Variants in CLVS1 observed in about 807,000 individuals in gnomAD.
CLVS1 encodes the protein clavesin-1.
In CLVS1, 10 loss-of-function variants were observed where a neutral mutation model predicts 33.1. The observed-to-expected ratio is 0.30, with a 90% CI of 0.19 to 0.51. The LOEUF is 0.51. CLVS1 is among the 20% of genes least tolerant of loss of function. The probability of loss-of-function intolerance (pLI) is 0.97; values close to 1 mark genes in which losing one functional copy is unlikely to be tolerated. For missense variants in CLVS1, 343 were observed against 433.4 expected (o/e 0.79, Z 1.85); for synonymous variants, 163 against 166.1 (o/e 0.98, Z 0.14).
intron 5 of CLVS1, among the ~76,000 whole-genome samples, chr8:61,480,412 G>T (rs908222138): frequency 6.6e-6 from 1 of 152,222 alleles, no homozygotes; most frequent in Non-Finnish European, 1.5e-5. Context: ...TTGGTGTGCC[G>T]TTTGTTAAGC....
intron 2 of CLVS1, among the ~76,000 whole-genome samples, chr8:61,235,358 A>G (rs1338193379): frequency 6.6e-6 from 1 of 152,214 alleles, no homozygotes; most frequent in Non-Finnish European, 1.5e-5. Context: ...TGCTTTAAAA[A>G]AAGTGGTTTC....
the CLVS1 span, among the ~76,000 whole-genome samples, chr8:61,045,870 T>C: frequency 1.3e-5 from 2 of 152,336 alleles, no homozygotes; most frequent in Non-Finnish European, 2.9e-5. Flanking sequence ...AGAAATGTAC[T>C]ATAGATTCTG....
intron 2 of CLVS1, among the ~76,000 whole-genome samples, chr8:61,215,682 A>ATGTGTGTG (rs72193127): frequency 0.019 from 2,776 of 143,714 alleles, 40 homozygotes; most frequent in Middle Eastern, 0.036. Flanking sequence ...GAAATTGAAA[A>ATGTGTGTG]TGTGTGTGTG....
chr8:61,363,875 A>T (rs1452369861), intron 2 of CLVS1, among the ~76,000 whole-genome samples: 1 of 152,134 alleles, frequency 6.6e-6, no homozygotes, highest in Non-Finnish European at 1.5e-5. Context: ...TCTGTGACCT[A>T]CCTGACTTGG....
chr8:61,434,944 G>A lies in CLVS1; in HGVS notation c.631-19197G>A, dbSNP rs189537545. 6.8e-4 allele frequency among the ~76,000 whole-genome samples: 104 copies of A among 152,294 alleles called. 1 individual carries two copies. The highest frequency in any genetic ancestry group is 2.5e-3 in the African/African-American group (104 of 41,554). On this transcript the variant is annotated intron_variant, in intron 3 of 5. Coordinates refer to ENST00000325897, the MANE Select transcript of CLVS1 (RefSeq NM_173519.3). ...CAGGGCAATATCAAGATATGGCAAG[G>A]AAATATATTTTGGGTCTAAATATTT...
At chr8:61,045,513 A>G in the CLVS1 span, among the ~76,000 whole-genome samples, 1 of 152,240 alleles carries the variant, frequency 6.6e-6, no homozygotes, top group Admixed American at 6.5e-5. Context: ...GAATAGTGGA[A>G]AAGCCTCCTA....
chr8:61,303,436 T>C (rs1420613157), intron 2 of CLVS1, among the ~76,000 whole-genome samples: 1 of 152,226 alleles, frequency 6.6e-6, no homozygotes, highest in Non-Finnish European at 1.5e-5. Context: ...CTCATGAATG[T>C]GAAGCTTATT....
chr8:61,231,777 T>G (rs1808437590), intron 2 of CLVS1, among the ~76,000 whole-genome samples: 1 of 152,148 alleles, frequency 6.6e-6, no homozygotes, highest in Non-Finnish European at 1.5e-5. Flanking sequence ...ATAAATTATC[T>G]GGGTAACGCC....
the CLVS1 span, among the ~76,000 whole-genome samples, chr8:60,987,094 G>C: frequency 1.3e-5 from 2 of 152,210 alleles, no homozygotes; most frequent in Non-Finnish European, 2.9e-5. Flanking sequence ...GCAAATGACA[G>C]TCCAGAGGCA....
rs189131872 is a variant in CLVS1, at chr8:61,161,487, G to A, written c.-152+29627G>A. Among the ~76,000 whole-genome samples the A allele has an allele frequency of 3.7e-4, 57 of 152,232 alleles. 1 individual carries two copies. The highest frequency in any genetic ancestry group is 3.5e-3 in the South Asian group (17 of 4,820). The stretch of plus-strand genomic sequence containing the variant: ...CAGCCTTAAAAAAGAAGAAAATTCC[G>A]TCATTTTTGAAAACATGGATGAACA... On this transcript the variant is annotated intron_variant, in intron 2 of 2. Transcript: ENST00000522621.
At position 61,200,165 on chromosome 8, in the gene CLVS1, C is replaced by T. The variant is rs200368946; in HGVS notation, c.-152+68305C>T. Among the ~76,000 whole-genome samples the T allele has an allele frequency of 3.9e-5, 6 of 152,304 alleles. No individual in the cohort carries two copies. In the East Asian group the frequency reaches 1.2e-3, roughly 29 times the overall value. ...TGGAGTTTCATTCTTGTTGCCCAGG[C>T]TGGGGTGCAGTGGTGCGATCTCGGC... is the stretch of plus-strand genomic sequence containing the variant. On this transcript the variant is annotated intron_variant, in intron 2 of 2. Transcript: ENST00000522621.
the CLVS1 span, among the ~76,000 whole-genome samples, chr8:60,969,005 T>A: frequency 1.2e-4 from 18 of 152,240 alleles, 1 homozygote; most frequent in Admixed American, 1.2e-3. Flanking sequence ...TGAACAAACA[T>A]GTATATTACA....
chr8:61,130,122 C>A (rs1806060282), intron 1 of CLVS1, among the ~76,000 whole-genome samples: 1 of 151,964 alleles, frequency 6.6e-6, no homozygotes, highest in African/African-American at 2.4e-5. Context: ...CCTGTAGTCC[C>A]AGCTACTTGG....
At chr8:61,031,739 G>A in the CLVS1 span, among the ~76,000 whole-genome samples, 1 of 152,204 alleles carries the variant, frequency 6.6e-6, no homozygotes, top group East Asian at 1.9e-4. Context: ...ATACAGAATG[G>A]GGACAAGGCG....
intron 2 of CLVS1, among the ~76,000 whole-genome samples, chr8:61,240,597 C>T (rs4033640): frequency 6.6e-6 from 1 of 152,240 alleles, no homozygotes; most frequent in Non-Finnish European, 1.5e-5. Flanking sequence ...CACAATTGTG[C>T]TCCCAGTGCC....
chr8:61,140,891 A>T (rs543805091), intron 2 of CLVS1, among the ~76,000 whole-genome samples: 4 of 152,168 alleles, frequency 2.6e-5, no homozygotes, highest in African/African-American at 9.7e-5. Context: ...TTGGAAAAAA[A>T]TCCTGTTGTT....
At chr8:60,990,145 A>C in the CLVS1 span, among the ~76,000 whole-genome samples, 2 of 150,332 alleles carry the variant, frequency 1.3e-5, no homozygotes, top group Non-Finnish European at 3.0e-5. Flanking sequence ...AAAAAAAAAA[A>C]AAAAAAAGCA....
chr8:61,053,250 G>C (rs1233787002), upstream of CLVS1, among the ~76,000 whole-genome samples: 5 of 152,132 alleles, frequency 3.3e-5, no homozygotes, highest in Admixed American at 6.5e-5. Flanking sequence ...GGTATTTAAG[G>C]TTGCAGGATG....
intron 2 of CLVS1, among the ~76,000 whole-genome samples, chr8:61,206,589 TC>T (rs1192002722): frequency 2.1e-5 from 3 of 140,090 alleles, no homozygotes; most frequent in Non-Finnish European, 3.0e-5. Context: ...TTTTTTTCTT[TC>T]TTTTTTTTTT....
Sources: gnomAD v4.1 joint callset for allele counts (sites outside exome capture counted in the v4.1 genomes callset) on GRCh38, gnomAD v4.1.1 for gene constraint, MANE v1.5 for transcripts, NCBI Gene and HGNC (gene_info 2026-07-23, HGNC 2026-07-21) for gene names.